Variants in ZNF560 observed in about 807,000 individuals in gnomAD.
ZNF560 encodes the protein zinc finger protein 560.
Under a neutral mutation model 81.8 loss-of-function variants are expected in ZNF560, and 54 were observed. The observed-to-expected ratio is 0.66, with a 90% CI of 0.53 to 0.83. ZNF560 has a LOEUF of 0.83. ZNF560 is among the 40% of genes least tolerant of loss of function. The pLI, the probability that ZNF560 is intolerant of heterozygous loss-of-function variation, is 0.00. For missense variants in ZNF560, 940 were observed against 932.4 expected (o/e 1.01, Z -0.11); for synonymous variants, 321 against 317.9 (o/e 1.01, Z -0.10).
intron 2 of ZNF560, among the ~76,000 whole-genome samples, chr19:9,479,845 C>T (rs1386160249): frequency 6.6e-6 from 1 of 151,838 alleles, no homozygotes; most frequent in African/African-American, 2.4e-5. Context: ...GAGACTTGAA[C>T]ATGCCTAAAT....
chr19:9,451,315 G>A, the ZNF560 span, among the ~76,000 whole-genome samples: 2 of 152,020 alleles, frequency 1.3e-5, no homozygotes, highest in African/African-American at 4.8e-5. Context: ...AATAAAAGAA[G>A]CCACATACCT....
At chr19:9,498,930 G>A (rs972082713), upstream of ZNF560, 3 of 152,232 alleles carry the variant, frequency 2.0e-5, no homozygotes, top group African/African-American at 4.8e-5. Flanking sequence ...CGCCCCTCAG[G>A]ATGCTCATTA....
At chr19:9,504,685 C>A in the ZNF560 span, among the ~76,000 whole-genome samples, 10 of 152,136 alleles carry the variant, frequency 6.6e-5, no homozygotes, top group Non-Finnish European at 1.5e-4. Context: ...TGCTATAGAA[C>A]AATCTATTTC....
upstream of ZNF560, among the ~76,000 whole-genome samples, chr19:9,499,201 T>C (rs2073610272): frequency 1.3e-5 from 2 of 151,992 alleles, no homozygotes; most frequent in Non-Finnish European, 2.9e-5. Context: ...CGAGGTAGGG[T>C]CTGGCTCGGT....
At chr19:9,499,506 AT>A (rs565379885), upstream of ZNF560, among the ~76,000 whole-genome samples, 1,352 of 151,338 alleles carry the variant, frequency 8.9e-3, 15 homozygotes, top group African/African-American at 0.012. Context: ...GCCTTATTGT[AT>A]TTTTTTTTCT....
chr19:9,456,417 T>C, the ZNF560 span, among the ~76,000 whole-genome samples: 6 of 152,080 alleles, frequency 3.9e-5, no homozygotes, highest in Non-Finnish European at 8.8e-5. Context: ...CGGGAGAGCG[T>C]ATAGGGCAGC....
At chr19:9,458,828 C>T in the ZNF560 span, among the ~76,000 whole-genome samples, 1 of 152,206 alleles carries the variant, frequency 6.6e-6, no homozygotes, top group Non-Finnish European at 1.5e-5. Context: ...GCCCAACTTG[C>T]CAAATGATTC....
At chr19:9,465,529 T>C (rs957736983), downstream of ZNF560, among the ~76,000 whole-genome samples, 1 of 152,212 alleles carries the variant, frequency 6.6e-6, no homozygotes, top group African/African-American at 2.4e-5. Flanking sequence ...CACATGCCTT[T>C]AACTTTATGG....
intron 2 of ZNF560, among the ~76,000 whole-genome samples, chr19:9,495,542 C>T (rs2073544189): frequency 6.6e-6 from 1 of 151,882 alleles, no homozygotes; most frequent in Admixed American, 6.6e-5. Flanking sequence ...CGCATCTCTA[C>T]AAAAAAATAC....
rs1202465781 is a variant in ZNF560 at position 9,498,557 on chromosome 19, A to T, written c.-164T>A. On this transcript the variant is annotated 5_prime_UTR_variant, in exon 1 of 10. Transcript: ENST00000301480. ...CCTCACCAAAGTAGTGAACGACCAG[A>T]CAACACAAAGGAAAAAGTGGCTCTG... 1 of 152,304 alleles carries T rather than the reference A, an allele frequency of 6.6e-6. No individual in the cohort carries two copies. Among genetic ancestry groups the T allele is most frequent in the Non-Finnish European group, 1.5e-5 (1 of 68,082 alleles). 9.4% of individuals were successfully genotyped at this position (152,304 alleles called of 1,614,324 possible).
chr19:9,490,387 A>G (rs879877311), intron 2 of ZNF560, among the ~76,000 whole-genome samples: 1 of 152,210 alleles, frequency 6.6e-6, no homozygotes, highest in Admixed American at 6.5e-5. Context: ...ATGAGGCCAC[A>G]TCGAATGTCA....
At chr19:9,484,287 A>T (rs998773201) in intron 2 of ZNF560, among the ~76,000 whole-genome samples, 3 of 151,296 alleles carry the variant, frequency 2.0e-5, no homozygotes, top group Non-Finnish European at 4.4e-5. Context: ...AGAATGATCA[A>T]TTAAAAAAAA....
Position 9,466,695 on chromosome 19 carries a change from G to A in ZNF560, c.2252C>T (p.Thr751Ile), listed in dbSNP as rs1343621926. 1 of 1,614,056 alleles carries A rather than the reference G, an allele frequency of 6.2e-7. No individual in the cohort carries two copies. The highest frequency in any genetic ancestry group is 8.5e-7 in the Non-Finnish European group (1 of 1,179,984). Residue 751 changes from threonine to isoleucine, a missense_variant, in exon 10 of 10, where the codon ACA (threonine) becomes ATA (isoleucine). Transcript: ENST00000301480. ...TAAATGTTGAATACGTCCTGAGGAT[G>A]TACGGAAGGCCTTCCCACATTCCTT... ...KCKECGKAFR[T>I]SSGRIQHLRT...
chr19:9,467,687 A>C lies in ZNF560; in HGVS notation c.1260T>G (p.Ile420Met). The C allele has an allele frequency of 2.5e-6, 4 of 1,614,112 alleles. No individual in the cohort carries two copies. The highest frequency in any genetic ancestry group is 3.4e-6 in the Non-Finnish European group (4 of 1,180,014). Residue 420 changes from isoleucine to methionine, a missense_variant, in exon 10 of 10, where the codon ATT (isoleucine) becomes ATG (methionine). By Grantham distance (10) the Ile-to-Met change is conservative (BLOSUM62 1). Coordinates refer to ENST00000301480, the MANE Select transcript of ZNF560 (RefSeq NM_152476.3). ...GKAFGTSAGL[I>M]EHIRCHAREK... The stretch of plus-strand genomic sequence containing the variant: ...CTCTGGCGTGACATCTTATATGTTC[A>C]ATAAGGCCTGCAGATGTACCAAAGG...
Position 9,467,219 on chromosome 19 carries a change from T to G in ZNF560, c.1728A>C (p.Lys576Asn), listed in dbSNP as rs2073038308. 6.2e-7 allele frequency: 1 copy of G among 1,613,988 alleles called. No homozygotes were observed. ...AGCGCTCAGTGAAGGCTTTCCCACA[T>G]TTCATACATTCATAGGGTTTCTCTC... ...HAGEKPYECM[K>N]CGKAFTERSY... is the part of the protein sequence containing the mutation. Residue 576 changes from lysine to asparagine, a missense_variant, in exon 10 of 10, where the codon AAA (lysine) becomes AAC (asparagine). Coordinates refer to ENST00000301480, the MANE Select transcript of ZNF560 (RefSeq NM_152476.3).
rs570242641 is a variant in ZNF560 at position 9,492,133 on chromosome 19, A to G, written c.-57+5995T>C. Among the ~76,000 whole-genome samples the G allele has an allele frequency of 2.6e-5, 4 of 151,890 alleles. No homozygotes were observed. In the East Asian group the frequency reaches 5.9e-4, roughly 22 times the overall value. On this transcript the variant is annotated intron_variant, in intron 2 of 9. Coordinates refer to ENST00000301480, the MANE Select transcript of ZNF560 (RefSeq NM_152476.3). ...GTAGCTAGGACTACAGGCATGTATC[A>G]TCAAGCCTGGCTAATCTGGGTGGTT... is the stretch of plus-strand genomic sequence containing the variant.
chr19:9,450,760 C>G, the ZNF560 span, among the ~76,000 whole-genome samples: 2 of 152,092 alleles, frequency 1.3e-5, no homozygotes, highest in Admixed American at 1.3e-4. Context: ...GAACCCCTGC[C>G]TCCAAGTGAC....
At chr19:9,490,816 C>G (rs768870099) in intron 2 of ZNF560, among the ~76,000 whole-genome samples, 1 of 152,164 alleles carries the variant, frequency 6.6e-6, no homozygotes, top group Non-Finnish European at 1.5e-5. Flanking sequence ...AGGGGAGATT[C>G]AAAGTCTCTC....
intron 2 of ZNF560, among the ~76,000 whole-genome samples, chr19:9,494,729 T>C (rs1476968369): frequency 1.4e-5 from 2 of 146,740 alleles, no homozygotes; most frequent in African/African-American, 5.1e-5. Flanking sequence ...AGAGCAAAAC[T>C]CCGTCTCAAA....
Sources: gnomAD v4.1 joint callset for allele counts (sites outside exome capture counted in the v4.1 genomes callset) on GRCh38, gnomAD v4.1.1 for gene constraint, MANE v1.5 for transcripts, NCBI Gene and HGNC (gene_info 2026-07-23, HGNC 2026-07-21) for gene names.